PARN: variants seen among roughly 807,000 people sequenced by gnomAD.
The protein encoded by PARN is poly(A)-specific ribonuclease, also known as poly(A)-specific ribonuclease PARN.
A neutral mutation model predicts 102.8 loss-of-function variants in PARN; 71 were observed. The observed-to-expected ratio is 0.69, with a 90% confidence interval of 0.57 to 0.84. The LOEUF (loss-of-function observed/expected upper bound fraction) is 0.84. Among genes scored for constraint, PARN ranks in the 40% least tolerant of loss-of-function variants. PARN has a pLI of 0.00. For synonymous variants in PARN, 261 were observed against 252.9 expected, an observed-to-expected ratio of 1.03 and a Z score of -0.30; for missense variants, 782 against 760.9, an observed-to-expected ratio of 1.03 and a Z score of -0.33.
intron 13 of PARN, among the ~76,000 whole-genome samples, chr16:14,592,686 C>A (rs1970269019): frequency 6.6e-6 from 1 of 152,196 alleles, no homozygotes; most frequent in Non-Finnish European, 1.5e-5. Context: ...CCTTCAATGG[C>A]CCTGCTATGT....
In PARN at chr16:14,540,665, C is replaced by T. The variant is rs533996634; in HGVS notation, c.1480+11356G>A. ...GGTGCCAGCCAGGCACGGTGGCTCACAGCTGTAATACCAAGATTTTAGGAG... is the reference window on the plus strand; with the variant it reads ...GGTGCCAGCCAGGCACGGTGGCTCATAGCTGTAATACCAAGATTTTAGGAG... On this transcript the variant is annotated intron_variant, in intron 21 of 23. Transcript: ENST00000437198. Among the ~76,000 whole-genome samples, 30 of 152,290 alleles carry T rather than the reference C, an allele frequency of 2.0e-4. 1 individual carries two copies. The South Asian group carries it at 6.2e-3, about 32-fold the overall frequency.
intron 21 of PARN, among the ~76,000 whole-genome samples, chr16:14,549,540 C>CTGTTT (rs1371968148): frequency 1.3e-5 from 2 of 152,180 alleles, no homozygotes; most frequent in African/African-American, 4.8e-5. Flanking sequence ...TTAAAAGCTA[C>CTGTTT]TGTTTTAAGA....
At chr16:14,614,711 G>A (rs983089771) in intron 6 of PARN, among the ~76,000 whole-genome samples, 13 of 152,036 alleles carry the variant, frequency 8.6e-5, no homozygotes, top group Non-Finnish European at 1.5e-4. Flanking sequence ...AGCTGGGTGT[G>A]GTGGCACATG....
At chr16:14,463,838 TGGG>T (rs145797278) in intron 22 of PARN, among the ~76,000 whole-genome samples, 9 of 95,046 alleles carry the variant, frequency 9.5e-5, no homozygotes, top group Non-Finnish European at 1.8e-4. Flanking sequence ...CTTTTTTTTT[TGGG>T]GGGGGGGGGA....
At chr16:14,485,202 G>C (rs1313106618) in intron 21 of PARN, among the ~76,000 whole-genome samples, 3 of 152,198 alleles carry the variant, frequency 2.0e-5, no homozygotes, top group Non-Finnish European at 4.4e-5. Context: ...ATGTGCTATT[G>C]AGTAAAGTTA....
intron 21 of PARN, among the ~76,000 whole-genome samples, chr16:14,498,070 G>T (rs1266774779): frequency 6.9e-6 from 1 of 144,520 alleles, no homozygotes; most frequent in African/African-American, 2.6e-5. Context: ...GTTGCAGTGA[G>T]CCAAGATGGT....
chr16:14,572,156 C>T lies in PARN; in HGVS notation c.1262+8718G>A, dbSNP rs1383618503. ...ACAGGCTGGACAGCAGAAGGTTAAG[C>T]GAGGGCTTCCCTGCAGGTGATCAGG... On this transcript the variant is annotated intron_variant, in intron 18 of 23. Transcript: ENST00000437198. Among the ~76,000 whole-genome samples, 8 of 152,208 alleles carry T rather than the reference C, an allele frequency of 5.3e-5. No individual in the cohort carries two copies. The South Asian group carries it at 1.5e-3, about 28-fold the overall frequency.
chr16:14,616,218 T>C (rs1226537763), intron 6 of PARN, among the ~76,000 whole-genome samples: 5 of 152,202 alleles, frequency 3.3e-5, no homozygotes, highest in Non-Finnish European at 5.9e-5. Flanking sequence ...CAATCTGAAA[T>C]GTTCTAATGT....
intron 18 of PARN, among the ~76,000 whole-genome samples, chr16:14,559,475 T>C (rs528749181): frequency 2.0e-5 from 3 of 152,254 alleles, no homozygotes; most frequent in Non-Finnish European, 2.9e-5. Flanking sequence ...GTGAGATGTT[T>C]GGATAGAGGC....
intron 11 of PARN, among the ~76,000 whole-genome samples, chr16:14,603,078 A>G (rs957805879): frequency 6.6e-6 from 1 of 151,918 alleles, no homozygotes; most frequent in African/African-American, 2.4e-5. Flanking sequence ...ACGTCACCAC[A>G]CCTGGATAAT....
intron 8 of PARN, 70 bp downstream of exon 8, chr16:14,608,988 A>G (rs1172151286): frequency 2.6e-6 from 2 of 771,444 alleles, no homozygotes; most frequent in South Asian, 1.6e-5. Flanking sequence ...AAAAGACTAG[A>G]TGCATCAAAT....
Position 14,582,280 on chromosome 16 carries a change from C to T in PARN, c.1093G>A (p.Gly365Ser), listed in dbSNP as rs1218448930. 1.9e-6 allele frequency: 3 copies of T among 1,612,488 alleles called. No homozygotes were observed. In the African/African-American group the frequency reaches 4.0e-5, roughly 21 times the overall value. The part of the protein sequence containing the change: ...FNPPKVESAE[G>S]FPSYDTASEQ... ...GAGGCTGTGTCATAACTTGGAAAAC[C>T]TTCGGCACTTTCTAAGAAAAAAAAG... Residue 365 changes from glycine (G) to serine (S), a missense_variant, in exon 17 of 24, where the codon GGT becomes AGT. Gly to Ser is a moderately conservative substitution (Grantham distance 56). Transcript: ENST00000437198.
intron 18 of PARN, among the ~76,000 whole-genome samples, chr16:14,576,734 C>A (rs1001321284): frequency 2.0e-5 from 3 of 152,218 alleles, no homozygotes; most frequent in African/African-American, 7.2e-5. Context: ...GTGGCGTGAT[C>A]CTGATTTCCA....
chr16:14,557,954 C>T lies in PARN; in HGVS notation c.1263-2245G>A, dbSNP rs144820635. 1.3e-3 allele frequency among the ~76,000 whole-genome samples: 194 copies of T among 152,228 alleles called. No individual in the cohort carries two copies. The Middle Eastern group carries it at 0.014, about 11-fold the overall frequency. ...CTGGAACTATCATTATTTTCGCCTA[C>T]CAGAACCTAATAATAACAAAAGTTA... On this transcript the variant is annotated intron_variant, in intron 18 of 23. Transcript: ENST00000437198.
intron 21 of PARN, among the ~76,000 whole-genome samples, chr16:14,505,239 A>G (rs1487218964): frequency 6.6e-6 from 1 of 152,272 alleles, no homozygotes; most frequent in East Asian, 1.9e-4. Flanking sequence ...TGAATAGGAC[A>G]CTAAAGCCAG....
intron 21 of PARN, among the ~76,000 whole-genome samples, chr16:14,516,724 A>G (rs1202183428): frequency 6.6e-6 from 1 of 152,244 alleles, no homozygotes; most frequent in Non-Finnish European, 1.5e-5. Flanking sequence ...AAAAAAATGT[A>G]GTAGATGACC....
At chr16:14,604,266 T>A (rs1971056126) in intron 10 of PARN, 40 bp from the exon 11 acceptor site, 1 of 1,323,294 alleles carries the variant, frequency 7.6e-7, no homozygotes, top group Non-Finnish European at 1.1e-6. Context: ...TCTTTTCTTT[T>A]TCTTTTTTTT....
At chr16:14,585,119 A>G (rs1213463709) in intron 14 of PARN, among the ~76,000 whole-genome samples, 1 of 152,146 alleles carries the variant, frequency 6.6e-6, no homozygotes, top group African/African-American at 2.4e-5. Flanking sequence ...ATCAATCTCA[A>G]GGGTGAGTCA....
chr16:14,603,371 G>T (rs1397098802), intron 11 of PARN, among the ~76,000 whole-genome samples: 2 of 152,096 alleles, frequency 1.3e-5, no homozygotes, highest in South Asian at 4.2e-4. Flanking sequence ...AATTAGGAGT[G>T]ACCCTGCCTA....
Sources: gnomAD v4.1 joint callset for allele counts (sites outside exome capture counted in the v4.1 genomes callset) on GRCh38, gnomAD v4.1.1 for gene constraint, MANE v1.5 for transcripts, NCBI Gene and HGNC (gene_info 2026-07-23, HGNC 2026-07-21) for gene names.